The following FER variants were observed in gnomAD, a reference collection of about 807,000 sequenced individuals.
The protein encoded by FER is tyrosine-protein kinase Fer.
In FER, 63 loss-of-function variants were observed where a neutral mutation model predicts 111.0. The observed-to-expected ratio is 0.57, with a 90% CI of 0.46 to 0.70. The LOEUF (loss-of-function observed/expected upper bound fraction) is 0.70. Among genes scored for constraint, FER ranks in the 30% least tolerant of loss-of-function variants. The probability of loss-of-function intolerance (pLI) is 0.00; values close to 1 mark genes in which losing one functional copy is unlikely to be tolerated. For missense variants in FER, 914 were observed against 954.0 expected (o/e 0.96, Z 0.55); for synonymous variants, 327 against 313.9 (o/e 1.04, Z -0.44).
intron 5 of FER, among the ~76,000 whole-genome samples, chr5:108,844,795 A>G (rs1477641224): frequency 6.6e-6 from 1 of 151,538 alleles, no homozygotes; most frequent in African/African-American, 2.4e-5. Context: ...TTTGTTCAGA[A>G]TAGTTATTTT....
intron 17 of FER, among the ~76,000 whole-genome samples, chr5:109,166,986 T>C (rs1756620712): frequency 6.6e-6 from 1 of 152,198 alleles, no homozygotes; most frequent in Admixed American, 6.5e-5. Context: ...TACAAAATGT[T>C]ACGGCTTCAT....
At position 108,765,060 on chromosome 5, in the gene FER, G is replaced by A. The variant is rs537369020; in HGVS notation, c.-205-3033G>A. On this transcript the variant is annotated intron_variant, in intron 1 of 19. Transcript: ENST00000281092. Reference sequence around the variant, plus strand: ...AACTATTTTTTGGCTATGAATGTGCGTTAGAGATGAAAGTATGTGTAATTG... The same window carrying A: ...AACTATTTTTTGGCTATGAATGTGCATTAGAGATGAAAGTATGTGTAATTG... 7.2e-5 allele frequency among the ~76,000 whole-genome samples: 11 copies of A among 152,290 alleles called. No homozygotes were observed. The South Asian group carries it at 1.4e-3, about 20-fold the overall frequency.
intron 10 of FER, among the ~76,000 whole-genome samples, chr5:108,904,777 C>A (rs574665229): frequency 6.0e-4 from 92 of 152,084 alleles, no homozygotes; most frequent in African/African-American, 2.2e-3. Flanking sequence ...AGTTTCTGAA[C>A]CTGAGAACAA....
chr5:108,761,909 A>G (rs569285845), intron 1 of FER, among the ~76,000 whole-genome samples: 25 of 151,820 alleles, frequency 1.6e-4, no homozygotes, highest in Non-Finnish European at 3.1e-4. Flanking sequence ...TAGTATAATT[A>G]TTATTATTAT....
At chr5:108,992,271 A>T (rs537361815) in intron 13 of FER, among the ~76,000 whole-genome samples, 3 of 152,336 alleles carry the variant, frequency 2.0e-5, no homozygotes, top group South Asian at 2.1e-4. Flanking sequence ...TCCCATGTCT[A>T]CTTCTTCCTA....
chr5:108,830,296 A>C (rs1759903925), intron 3 of FER, among the ~76,000 whole-genome samples: 1 of 152,168 alleles, frequency 6.6e-6, no homozygotes, highest in African/African-American at 2.4e-5. Context: ...TCTACTAAAA[A>C]TACAAAAATT....
At chr5:109,041,705 T>C (rs1771206610) in intron 14 of FER, among the ~76,000 whole-genome samples, 1 of 152,206 alleles carries the variant, frequency 6.6e-6, no homozygotes, top group Non-Finnish European at 1.5e-5. Flanking sequence ...GACTGACAGT[T>C]ACCCAACAGC....
At chr5:108,967,425 TAAAAG>T (rs1192651968) in intron 13 of FER, among the ~76,000 whole-genome samples, 1 of 151,912 alleles carries the variant, frequency 6.6e-6, no homozygotes, top group Non-Finnish European at 1.5e-5. Flanking sequence ...CAGAAAAGGT[TAAAAG>T]AAAGGCACCA....
At chr5:108,997,443 G>A (rs1433047249) in intron 13 of FER, among the ~76,000 whole-genome samples, 1 of 151,092 alleles carries the variant, frequency 6.6e-6, no homozygotes, top group African/African-American at 2.4e-5. Flanking sequence ...AGAGATTTTG[G>A]GCTGAGACGA....
chr5:109,053,526 C>T (rs933577377), intron 16 of FER, among the ~76,000 whole-genome samples: 1 of 152,028 alleles, frequency 6.6e-6, no homozygotes. Flanking sequence ...TCACAGCCAA[C>T]CACTAAGGTG....
At chr5:109,072,912 A>C (rs1433685792) in intron 16 of FER, among the ~76,000 whole-genome samples, 1 of 152,012 alleles carries the variant, frequency 6.6e-6, no homozygotes, top group African/African-American at 2.4e-5. Context: ...GGTGTTTCTT[A>C]ATTTGCAGGT....
intron 13 of FER, among the ~76,000 whole-genome samples, chr5:109,012,101 C>G (rs1766354250): frequency 6.6e-6 from 1 of 152,166 alleles, no homozygotes; most frequent in African/African-American, 2.4e-5. Flanking sequence ...CTTTGGTGCT[C>G]CGCACTTAGT....
At chr5:108,950,914 C>T (rs913182718) in intron 11 of FER, among the ~76,000 whole-genome samples, 1 of 151,988 alleles carries the variant, frequency 6.6e-6, no homozygotes, top group Non-Finnish European at 1.5e-5. Context: ...CTCATCCCCT[C>T]CCAAAATTCC....
At chr5:108,852,795 C>T (rs1172689189) in intron 5 of FER, among the ~76,000 whole-genome samples, 1 of 151,968 alleles carries the variant, frequency 6.6e-6, no homozygotes, top group Non-Finnish European at 1.5e-5. Context: ...AGGAATTTTA[C>T]AAGGTAATTA....
At chr5:108,809,375 A>G (rs1170821206) in intron 3 of FER, among the ~76,000 whole-genome samples, 1 of 152,218 alleles carries the variant, frequency 6.6e-6, no homozygotes, top group Non-Finnish European at 1.5e-5. Context: ...TGAAGCTTTC[A>G]GTTGTCTTTT....
rs746743896 is a variant in FER at position 109,187,720 on chromosome 5, C to A, written c.*145C>A. ...TTATTAACTGGGTGTTTTAAAAGTA[C>A]GTTCCACTTGTAAAAAGTCAAAGGC... is the stretch of plus-strand genomic sequence containing the variant. On this transcript the variant is annotated 3_prime_UTR_variant, in exon 20 of 20. Transcript: ENST00000281092. 30 of 1,059,432 alleles carry A rather than the reference C, an allele frequency of 2.8e-5. No individual in the cohort carries two copies. Among genetic ancestry groups the A allele is most frequent in the Non-Finnish European group, 3.7e-5 (28 of 747,826 alleles). 65.6% of individuals were successfully genotyped at this position (1,059,432 alleles called of 1,614,324 possible).
intron 17 of FER, among the ~76,000 whole-genome samples, chr5:109,122,412 T>C (rs1751097506): frequency 6.6e-6 from 1 of 152,200 alleles, no homozygotes. Context: ...TCTAGTTTTA[T>C]TCAATTGTTG....
chr5:109,011,121 G>A (rs1581638519), intron 13 of FER, among the ~76,000 whole-genome samples: 1 of 152,044 alleles, frequency 6.6e-6, no homozygotes, highest in Non-Finnish European at 1.5e-5. Context: ...TTTTTTAAAT[G>A]TGTTAATGCT....
intron 17 of FER, among the ~76,000 whole-genome samples, chr5:109,170,499 G>A (rs1756996066): frequency 6.6e-6 from 1 of 152,140 alleles, no homozygotes; most frequent in African/African-American, 2.4e-5. Flanking sequence ...GTGATCTTGG[G>A]CAAGTTATTT....
Sources: gnomAD v4.1 joint callset for allele counts (sites outside exome capture counted in the v4.1 genomes callset) on GRCh38, gnomAD v4.1.1 for gene constraint, MANE v1.5 for transcripts, NCBI Gene and HGNC (gene_info 2026-07-23, HGNC 2026-07-21) for gene names.